SUB1: variants seen among roughly 807,000 people sequenced by gnomAD.
The protein encoded by SUB1 is SUB1 regulator of transcription.
A neutral mutation model predicts 16.9 loss-of-function variants in SUB1; 1 was observed. That is an observed-to-expected ratio of 0.06 (90% CI 0.02 to 0.28). SUB1 has a LOEUF of 0.28. SUB1 is among the 10% of genes least tolerant of loss of function. The pLI is 1.00. For synonymous variants in SUB1, 51 were observed against 46.9 expected (o/e 1.09, Z -0.36); for missense variants, 84 against 145.2 (o/e 0.58, Z 2.16).
chr5:32,600,308 G>T (rs1242916827), intron 4 of SUB1, among the ~76,000 whole-genome samples: 1 of 152,168 alleles, frequency 6.6e-6, no homozygotes, highest in African/African-American at 2.4e-5. Flanking sequence ...CAGCACAATT[G>T]GCTTGAATTC....
At chr5:32,598,754 C>T in intron 3 of SUB1, 1 of 381,672 alleles carries the variant, frequency 2.6e-6, no homozygotes, top group Non-Finnish European at 4.6e-6. Flanking sequence ...GTCAAGTCTG[C>T]AAAAATTTTT....
In SUB1 at chr5:32,602,066, A is replaced by G. The variant is rs2111692408; in HGVS notation, c.*982A>G. ...AATATGGTTAGTTTGTAGGGAAAAG[A>G]GCATATGAGCACATGCTTGTGTATT... On this transcript the variant is annotated 3_prime_UTR_variant, in exon 5 of 5. Coordinates refer to ENST00000265073, the MANE Select transcript of SUB1 (RefSeq NM_006713.4). 3.5e-6 allele frequency: 1 copy of G among 287,874 alleles called. No homozygotes were observed. The highest frequency in any genetic ancestry group is 4.2e-4 in the Middle Eastern group (1 of 2,378). The allele number at this position is 287,874 out of a possible 1,614,324, so 17.8% of individuals were successfully genotyped here.
intron 1 of SUB1, among the ~76,000 whole-genome samples, chr5:32,586,777 C>G (rs2111648797): frequency 6.6e-6 from 1 of 152,284 alleles, no homozygotes; most frequent in South Asian, 2.1e-4. Context: ...CAAAATGGAG[C>G]AGAAACAGGA....
intron 4 of SUB1, 27 bp from the exon 5 acceptor site, chr5:32,600,978 C>T (rs1190949245): frequency 1.3e-6 from 2 of 1,587,352 alleles, no homozygotes; most frequent in Non-Finnish European, 8.6e-7. Flanking sequence ...TAGATTTTCA[C>T]CTTTGAATTT....
At chr5:32,593,294 C>T (rs1422823239) in intron 3 of SUB1, among the ~76,000 whole-genome samples, 1 of 152,044 alleles carries the variant, frequency 6.6e-6, no homozygotes, top group Non-Finnish European at 1.5e-5. Context: ...CGTGAGCCAC[C>T]GTGACTGGCC....
intron 4 of SUB1, among the ~76,000 whole-genome samples, chr5:32,600,376 C>G (rs934394836): frequency 6.6e-6 from 1 of 152,220 alleles, no homozygotes; most frequent in African/African-American, 2.4e-5. Context: ...TGGGGTATCA[C>G]ATGCCAAATC....
rs1420487095 is a variant in SUB1, at chr5:32,601,205, G to C, written c.*121G>C. 5 of 747,398 alleles carry C rather than the reference G, an allele frequency of 6.7e-6. No homozygotes were observed. Among genetic ancestry groups the C allele is most frequent in the Non-Finnish European group, 1.1e-5 (5 of 458,944 alleles). The allele number at this position is 747,398 out of a possible 1,614,324, so 46.3% of individuals were successfully genotyped here. A position where few individuals can be genotyped will look rare whatever the true frequency, so the allele number is the denominator to read the frequency against. On this transcript the variant is annotated 3_prime_UTR_variant, in exon 5 of 5. Coordinates refer to ENST00000265073, the MANE Select transcript of SUB1 (RefSeq NM_006713.4). ...GTATGTTTGGATTGCAGAAGAATTT[G>C]TAAGATGAATACTTTTTTTTAATGT...
chr5:32,594,517 G>A (rs917806533), intron 3 of SUB1: 69 of 429,998 alleles, frequency 1.6e-4, no homozygotes, highest in East Asian at 7.2e-5. Flanking sequence ...TTAATCTGGG[G>A]CAGGAGTCCA....
chr5:32,589,260 AT>A (rs1195621828), intron 2 of SUB1, among the ~76,000 whole-genome samples: 1 of 151,948 alleles, frequency 6.6e-6, no homozygotes, highest in Non-Finnish European at 1.5e-5. Context: ...TAAAAAAAAA[AT>A]GTTTTTGTAG....
rs774808799 is a variant in SUB1 at position 32,598,966 on chromosome 5, G to A, written c.201G>A (p.Gly67=). Residue 67 remains glycine, a synonymous_variant, in exon 4 of 5, where the codon GGG becomes GGA. Coordinates refer to ENST00000265073, the MANE Select transcript of SUB1 (RefSeq NM_006713.4). ...TATGTTTGTTTCTTTTGCAGATTGG[G>A]AAAATGAGGTACGTTAGTGTTCGCG... The part of the protein sequence containing the change: ...SSRDDNMFQI[G]KMRYVSVRDF... 6 of 1,611,262 alleles carry A rather than the reference G, an allele frequency of 3.7e-6. No individual in the cohort carries two copies. Among genetic ancestry groups the A allele is most frequent in the Non-Finnish European group, 5.1e-6 (6 of 1,178,720 alleles).
intron 4 of SUB1, among the ~76,000 whole-genome samples, chr5:32,599,695 A>C (rs1579519165): frequency 6.7e-6 from 1 of 148,476 alleles, no homozygotes; most frequent in Non-Finnish European, 1.5e-5. Flanking sequence ...TGTTTGCTTC[A>C]TGCAGTTTTT....
In SUB1 at chr5:32,588,564, G is replaced by A. The variant is rs758662416; in HGVS notation, c.52G>A (p.Asp18Asn). The A allele has an allele frequency of 6.2e-7, 1 of 1,613,336 alleles. No individual in the cohort carries two copies. The highest frequency in any genetic ancestry group is 8.5e-7 in the Non-Finnish European group (1 of 1,179,550). The change falls in exon 2 of 5, where the codon GAC becomes AAC. Residue 18 changes from aspartate to asparagine, a missense_variant. Transcript: ENST00000265073. ...TTCAAGCTCTTCTGGCAGTGATTCT[G>A]ACAGTGAGGTTGACAAAAAGGTGAC... ...VSSSSSGSDS[D>N]SEVDKKLKRK...
At chr5:32,592,430 T>A (rs1738851952) in intron 3 of SUB1, among the ~76,000 whole-genome samples, 1 of 152,230 alleles carries the variant, frequency 6.6e-6, no homozygotes, top group African/African-American at 2.4e-5. Context: ...TAGAGAGGAC[T>A]CGTATAGCTT....
chr5:32,591,672 A>T lies in SUB1; in HGVS notation c.182A>T (p.Asp61Val). Residue 61 changes from aspartate (D) to valine (V), a missense_variant, in exon 3 of 5, where the codon GAT (aspartate) becomes GTT (valine). Physicochemically the swap from Asp to Val is radical, Grantham distance 152. Transcript: ENST00000265073. The stretch of plus-strand genomic sequence containing the variant: ...AAACAGAGCAGCAGCAGCAGAGATG[A>T]TAACATGTTTCAGGTAAAGTTGGCT... ...SSKQSSSSRD[D>V]NMFQIGKMRY... 6.4e-7 allele frequency: 1 copy of T among 1,571,352 alleles called. No individual in the cohort carries two copies. Among genetic ancestry groups the T allele is most frequent in the Non-Finnish European group, 8.6e-7 (1 of 1,164,140 alleles).
chr5:32,594,008 A>G (rs112969045), intron 3 of SUB1, among the ~76,000 whole-genome samples: 61 of 152,136 alleles, frequency 4.0e-4, no homozygotes, highest in African/African-American at 1.4e-3. Flanking sequence ...TTATTTTCAG[A>G]GTGGCTTTCA....
At chr5:32,599,602 G>T (rs998964132) in intron 4 of SUB1, among the ~76,000 whole-genome samples, 1 of 152,126 alleles carries the variant, frequency 6.6e-6, no homozygotes, top group Non-Finnish European at 1.5e-5. Flanking sequence ...TTGGATTGCT[G>T]CTCTAGGTTG....
chr5:32,588,582 A>C lies in SUB1; in HGVS notation c.70A>C (p.Lys24Gln), dbSNP rs1738734134. Residue 24 changes from lysine (K) to glutamine (Q), a missense_variant and splice_region_variant, in exon 2 of 5, where the codon AAG becomes CAG. By Grantham distance (53) the Lys-to-Gln change is moderately conservative. Around this residue, in one of 2 missense-constraint regions of SUB1, gnomAD observed 60 missense variants for 64.9 expected, o/e 0.92. Transcript: ENST00000265073. ...GSDSDSEVDK[K>Q]LKRKKQVAPE... Reference sequence around the variant, plus strand: ...TGATTCTGACAGTGAGGTTGACAAAAAGGTGACTACTGCTGCACCAAGTCA... The same window carrying C: ...TGATTCTGACAGTGAGGTTGACAAACAGGTGACTACTGCTGCACCAAGTCA... 1 of 1,613,242 alleles carries C rather than the reference A, an allele frequency of 6.2e-7. No individual in the cohort carries two copies. Among genetic ancestry groups the C allele is most frequent in the Admixed American group, 1.7e-5 (1 of 59,926 alleles).
chr5:32,587,194 A>G (rs1738695529), intron 1 of SUB1, among the ~76,000 whole-genome samples: 1 of 152,162 alleles, frequency 6.6e-6, no homozygotes, highest in African/African-American at 2.4e-5. Context: ...CATAAATTCA[A>G]AAAATTGCAA....
chr5:32,595,823 T>A (rs1738947888), intron 3 of SUB1: 2 of 152,208 alleles, frequency 1.3e-5, no homozygotes, highest in African/African-American at 4.8e-5. Flanking sequence ...GTCAGTCTTT[T>A]AAGTTTTTTT....
Sources: allele counts gnomAD v4.1 joint callset (sites outside exome capture counted in the v4.1 genomes callset), GRCh38; gene constraint gnomAD v4.1.1; regional missense constraint gnomAD v4.1.1; transcripts MANE v1.5; gene names NCBI Gene and HGNC (gene_info 2026-07-23, HGNC 2026-07-21).